The following ALG12 variants were observed in gnomAD, a reference collection of about 807,000 sequenced individuals.
The protein encoded by ALG12 is ALG12 alpha-1,6-mannosyltransferase.
In ALG12, 36 loss-of-function variants were observed where a neutral mutation model predicts 46.0. The observed-to-expected ratio is 0.78, with a 90% CI of 0.60 to 1.03. ALG12 has a LOEUF of 1.03. Ranked by LOEUF, ALG12 falls within the 50% of genes least tolerant of loss-of-function variation. The pLI, the probability that ALG12 is intolerant of heterozygous loss-of-function variation, is 0.00. For synonymous variants in ALG12, 326 were observed against 291.6 expected, an observed-to-expected ratio of 1.12 and a Z score of -1.20; for missense variants, 599 against 633.5, an observed-to-expected ratio of 0.95 and a Z score of 0.58.
At chr22:49,870,320 T>A in the ALG12 span, among the ~76,000 whole-genome samples, 1 of 152,134 alleles carries the variant, frequency 6.6e-6, no homozygotes, top group African/African-American at 2.4e-5. Context: ...GTAGAATGAT[T>A]TATTTCTTTG....
chr22:49,898,129 T>C (rs1383577976), downstream of ALG12, among the ~76,000 whole-genome samples: 3 of 151,946 alleles, frequency 2.0e-5, no homozygotes, highest in African/African-American at 7.3e-5. Flanking sequence ...GCCTCCCAAG[T>C]AGCTGGGACT....
chr22:49,863,852 A>G, the ALG12 span, among the ~76,000 whole-genome samples: 1 of 152,158 alleles, frequency 6.6e-6, no homozygotes, highest in Non-Finnish European at 1.5e-5. Flanking sequence ...TGATGTTGGT[A>G]TTGGTGAACT....
At position 49,907,759 on chromosome 22, in the gene ALG12, G is replaced by A. The variant is rs1315634678; in HGVS notation, c.954C>T (p.Pro318=). Reference sequence around the variant, plus strand: ...CTCTGGCAGCCGTGATGTTGAGCATGGGGAAGGCATAGATGATGAAGCGTA... The same window carrying A: ...CTCTGGCAGCCGTGATGTTGAGCATAGGGAAGGCATAGATGATGAAGCGTA... The part of the protein sequence containing the change: ...KELRFIIYAF[P]MLNITAARGC... Residue 318 remains proline, a synonymous_variant, in exon 7 of 10, where the codon CCC becomes CCT. Coordinates refer to ENST00000330817, the MANE Select transcript of ALG12 (RefSeq NM_024105.4). 2 of 1,614,014 alleles carry A rather than the reference G, an allele frequency of 1.2e-6. No homozygotes were observed. The highest frequency in any genetic ancestry group is 2.2e-5 in the East Asian group (1 of 44,898).
chr22:49,910,447 C>G lies in ALG12; in HGVS notation c.456G>C (p.Leu152=). 1.2e-6 allele frequency: 2 copies of G among 1,613,474 alleles called. No homozygotes were observed. Among genetic ancestry groups the G allele is most frequent in the South Asian group, 1.1e-5 (1 of 91,080 alleles). ...FYCTRTLPNV[L]ALPVVLLALA... is the part of the protein sequence containing the mutation. ...GCAGCTACGTACCTACAGGCAGGGC[C>G]AGCACATTGGGCAGTGTCCGCGTGC... Residue 152 remains leucine, a synonymous_variant, in exon 4 of 10, where the codon CTG becomes CTC. Coordinates refer to ENST00000330817, the MANE Select transcript of ALG12 (RefSeq NM_024105.4).
the ALG12 span, among the ~76,000 whole-genome samples, chr22:49,878,591 ATAAAACT>A: frequency 3.9e-5 from 6 of 152,340 alleles, no homozygotes; most frequent in East Asian, 1.2e-3. Context: ...AGATCTAAAT[ATAAAACT>A]TAAAACTTCT....
At chr22:49,885,103 G>A in the ALG12 span, 16 of 1,613,750 alleles carry the variant, frequency 9.9e-6, no homozygotes, top group Admixed American at 3.3e-5. Context: ...TCGGTACTGC[G>A]GCTGTGCCAT....
At position 49,905,970 on chromosome 22, in the gene ALG12, C is replaced by T. The variant is rs1259396052; in HGVS notation, c.993-1464G>A. On this transcript the variant is annotated intron_variant, in intron 7 of 9. Transcript: ENST00000330817. This position sits in a 1 kb window ranked among gnomAD's most constrained non-coding sequence, Gnocchi z 4.9. ...GCTCGCAATCAGAAACCTTCCACCC[C>T]CAGGACTGTCTCAAGGCCCTGGGCC... Among the ~76,000 whole-genome samples the T allele has an allele frequency of 6.6e-6, 1 of 152,154 alleles. No homozygotes were observed. The highest frequency in any genetic ancestry group is 1.5e-5 in the Non-Finnish European group (1 of 68,016).
the ALG12 span, among the ~76,000 whole-genome samples, chr22:49,861,254 G>A: frequency 6.6e-6 from 1 of 151,406 alleles, no homozygotes; most frequent in Non-Finnish European, 1.5e-5. Flanking sequence ...TGATTCTTGT[G>A]CCTCAGCCTC....
At chr22:49,917,983 T>TGAGGAGC (rs1601831776) in intron 1 of ALG12, among the ~76,000 whole-genome samples, 2 of 92,656 alleles carry the variant, frequency 2.2e-5, no homozygotes, top group African/African-American at 5.2e-5. Flanking sequence ...AGGTGAGAGG[T>TGAGGAGC]CCAGCCCCAG....
the ALG12 span, among the ~76,000 whole-genome samples, chr22:49,871,850 G>C: frequency 6.6e-6 from 1 of 151,794 alleles, no homozygotes; most frequent in East Asian, 1.9e-4. Flanking sequence ...CACCTCCTGG[G>C]TTGAAGCGAT....
the ALG12 span, among the ~76,000 whole-genome samples, chr22:49,866,112 G>A: frequency 3.6e-5 from 5 of 140,478 alleles, no homozygotes; most frequent in Admixed American, 1.5e-4. Flanking sequence ...AAGTGACTTT[G>A]TACTTTGCCT....
At chr22:49,868,357 A>G in the ALG12 span, among the ~76,000 whole-genome samples, 1 of 152,222 alleles carries the variant, frequency 6.6e-6, no homozygotes, top group Non-Finnish European at 1.5e-5. Flanking sequence ...AGGCTGGTGG[A>G]TCACCCAGGA....
downstream of ALG12, among the ~76,000 whole-genome samples, chr22:49,899,433 G>A (rs996393927): frequency 3.3e-5 from 5 of 150,400 alleles, no homozygotes; most frequent in African/African-American, 4.9e-5. Flanking sequence ...AGCCGAGATC[G>A]CACCACTGCA....
At chr22:49,888,086 A>T in the ALG12 span, 1 of 167,228 alleles carries the variant, frequency 6.0e-6, no homozygotes, top group African/African-American at 2.4e-5. Flanking sequence ...ATTAACAGGG[A>T]AGAAGCTTGT....
chr22:49,884,184 C>A, the ALG12 span: 1 of 1,611,070 alleles, frequency 6.2e-7, no homozygotes, highest in Non-Finnish European at 8.5e-7. Context: ...AGGAAAATGG[C>A]AGTGTGTCTG....
the ALG12 span, among the ~76,000 whole-genome samples, chr22:49,881,727 C>T: frequency 6.6e-6 from 1 of 152,084 alleles, no homozygotes; most frequent in Non-Finnish European, 1.5e-5. Flanking sequence ...AGAACAGGGT[C>T]TTGTTTTTTT....
chr22:49,913,754 C>T lies in ALG12; in HGVS notation c.12G>A (p.Lys4=). The T allele has an allele frequency of 6.2e-7, 1 of 1,613,642 alleles. No homozygotes were observed. Among genetic ancestry groups the T allele is most frequent in the Non-Finnish European group, 8.5e-7 (1 of 1,180,042 alleles). MAG[K]GSSGRRPLLL... Reference sequence around the variant, plus strand: ...GCAGGGGCCGCCTGCCTGATGACCCCTTTCCAGCCATTCCAGGCTTTCAGC... The same window carrying T: ...GCAGGGGCCGCCTGCCTGATGACCCTTTTCCAGCCATTCCAGGCTTTCAGC... The change falls in exon 2 of 10, where the codon AAG becomes AAA. Residue 4 remains lysine, a synonymous_variant. Transcript: ENST00000330817.
the ALG12 span, among the ~76,000 whole-genome samples, chr22:49,877,627 C>A: frequency 1.3e-5 from 2 of 152,064 alleles, no homozygotes; most frequent in African/African-American, 4.8e-5. Flanking sequence ...AATTGATATA[C>A]AATAAACACA....
chr22:49,874,045 T>A, the ALG12 span, among the ~76,000 whole-genome samples: 1 of 152,238 alleles, frequency 6.6e-6, no homozygotes, highest in African/African-American at 2.4e-5. Flanking sequence ...TTAGCTCTAG[T>A]ACTGTTTTGT....
Sources: gnomAD v4.1 joint callset for allele counts (sites outside exome capture counted in the v4.1 genomes callset) on GRCh38, gnomAD v4.1.1 for gene constraint, Gnocchi (gnomAD v3.1) non-coding constraint, MANE v1.5 for transcripts, NCBI Gene and HGNC (gene_info 2026-07-23, HGNC 2026-07-21) for gene names.